The following ZNF319 variants were observed in gnomAD, a reference collection of about 807,000 sequenced individuals.
The protein encoded by ZNF319 is zinc finger protein 319.
ZNF319 carries 15 observed loss-of-function variants against 46.0 expected under a neutral mutation model. That is an observed-to-expected ratio of 0.33 (90% CI 0.22 to 0.50). The LOEUF (loss-of-function observed/expected upper bound fraction) is 0.50, where lower values mean the gene tolerates loss of function less well. Among genes scored for constraint, ZNF319 ranks in the 20% least tolerant of loss-of-function variants. The pLI, the probability that ZNF319 is intolerant of heterozygous loss-of-function variation, is 0.98. For synonymous variants in ZNF319, 368 were observed against 364.0 expected (o/e 1.01, Z -0.13); for missense variants, 635 against 807.0 (o/e 0.79, Z 2.58).
At position 57,998,178 on chromosome 16, in the gene ZNF319, C is replaced by A; in HGVS notation, c.88G>T (p.Ala30Ser). ...QPQHHAEPPP[A>S]LAEHTLPPGT... ...GGAGGCAGCGTGTGCTCTGCCAGGG[C>A]TGGCGGTGGCTCTGCATGGTGCTGA... Residue 30 changes from alanine (A) to serine (S), a missense_variant, in exon 2 of 2, where the codon GCC becomes TCC. Transcript: ENST00000299237. 6.4e-7 allele frequency: 1 copy of A among 1,563,800 alleles called. No individual in the cohort carries two copies. Among genetic ancestry groups the A allele is most frequent in the East Asian group, 2.3e-5 (1 of 44,296 alleles).
In ZNF319 at chr16:57,997,257, G is replaced by A; in HGVS notation, c.1009C>T (p.His337Tyr). 1 of 1,611,836 alleles carries A rather than the reference G, an allele frequency of 6.2e-7. No individual in the cohort carries two copies. Among genetic ancestry groups the A allele is most frequent in the Non-Finnish European group, 8.5e-7 (1 of 1,179,886 alleles). ...CACTTGAAGGGCCGCTCGGCGCTGT[G>A]TGTGCGCTCATGCTGCCGCAGGTCC... ...PSDLRQHERT[H>Y]SAERPFKCDL... Residue 337 changes from histidine (H) to tyrosine (Y), a missense_variant, in exon 2 of 2, where the codon CAC becomes TAC. Physicochemically the swap from His to Tyr is moderately conservative, Grantham distance 83. Around this residue, in one of 3 missense-constraint regions of ZNF319, gnomAD observed 138 missense variants for 248.0 expected, o/e 0.56. Transcript: ENST00000299237.
rs747993165 is a variant in ZNF319 at position 57,999,794 on chromosome 16, T to G, written c.-559A>C. The G allele has an allele frequency of 2.0e-5, 3 of 152,356 alleles. No homozygotes were observed. Among genetic ancestry groups the G allele is most frequent in the Non-Finnish European group, 4.4e-5 (3 of 68,186 alleles). The allele number at this position is 152,356 out of a possible 1,614,324, so 9.4% of individuals were successfully genotyped here. ...GGTTGCTTGAGCAAGCAGGTACCACTCTAAGCCTTCTCGGGACAGAGAGGG... is the reference window on the plus strand; with the variant it reads ...GGTTGCTTGAGCAAGCAGGTACCACGCTAAGCCTTCTCGGGACAGAGAGGG... On this transcript the variant is annotated 5_prime_UTR_variant, in exon 1 of 2. Transcript: ENST00000299237.
rs762596739 is a variant in ZNF319, at chr16:57,998,161, C to T, written c.105G>A (p.Thr35=). 1.5e-5 allele frequency: 23 copies of T among 1,572,440 alleles called. No individual in the cohort carries two copies. Among genetic ancestry groups the T allele is most frequent in the South Asian group, 8.2e-5 (7 of 85,154 alleles). The part of the protein sequence containing the change: ...AEPPPALAEH[T]LPPGTAENPL... ...GGTTCTCCGCCGTGCCCGGAGGCAGCGTGTGCTCTGCCAGGGCTGGCGGTG... is the reference window on the plus strand; with the variant it reads ...GGTTCTCCGCCGTGCCCGGAGGCAGTGTGTGCTCTGCCAGGGCTGGCGGTG... The change falls in exon 2 of 2, where the codon ACG becomes ACA. Residue 35 remains threonine, a synonymous_variant. Transcript: ENST00000299237.
chr16:57,996,583 G>C lies in ZNF319; in HGVS notation c.1683C>G (p.Ser561Arg). The C allele has an allele frequency of 6.3e-7, 1 of 1,597,494 alleles. No homozygotes were observed. The highest frequency in any genetic ancestry group is 8.5e-7 in the Non-Finnish European group (1 of 1,176,810). The change falls in exon 2 of 2, where the codon AGC (serine) becomes AGG (arginine). Residue 561 changes from serine (S) to arginine (R), a missense_variant. Coordinates refer to ENST00000299237, the MANE Select transcript of ZNF319 (RefSeq NM_020807.3). ...FLDVALLQEH[S>R]AQHSAAAAAA... is the part of the protein sequence containing the mutation. ...CCGCGGCGGCGGCACTGTGCTGCGCGCTGTGCTCCTGCAACAAGGCCACGT... is the reference window on the plus strand; with the variant it reads ...CCGCGGCGGCGGCACTGTGCTGCGCCCTGTGCTCCTGCAACAAGGCCACGT...
rs1361482077 is a variant in ZNF319, at chr16:57,996,520, G to A, written c.1746C>T (p.Pro582=). ...GGTAGGGGCCACAGCCGCAGAGTCA[G>A]GGCAGGCAGGCGGCTACCTGGTAGG... ...EGAYQVAACL[P] The change falls in exon 2 of 2, where the codon CCC becomes CCT. Residue 582 remains proline, a synonymous_variant. Transcript: ENST00000299237. The A allele has an allele frequency of 6.5e-7, 1 of 1,527,210 alleles. No individual in the cohort carries two copies. Among genetic ancestry groups the A allele is most frequent in the East Asian group, 2.4e-5 (1 of 40,938 alleles). 94.6% of individuals were successfully genotyped at this position (1,527,210 alleles called of 1,614,324 possible).
chr16:57,997,999 G>A lies in ZNF319; in HGVS notation c.267C>T (p.Ser89=). Residue 89 remains serine (S), a synonymous_variant, in exon 2 of 2, where the codon TCC becomes TCT. Transcript: ENST00000299237. ...CCAGACACTGGTGCTCATGCGGACT[G>A]GACAGGTGCGCCAGGTCGTGACCAC... ...GVCGHDLAHL[S]SPHEHQCLAG... The A allele has an allele frequency of 6.2e-7, 1 of 1,613,102 alleles. No homozygotes were observed. The highest frequency in any genetic ancestry group is 8.5e-7 in the Non-Finnish European group (1 of 1,180,038).
Position 58,000,078 on chromosome 16 carries a change from C to T in ZNF319, c.-843G>A, listed in dbSNP as rs1963126822. Among the ~76,000 whole-genome samples, 1 of 152,184 alleles carries T rather than the reference C, an allele frequency of 6.6e-6. No individual in the cohort carries two copies. The highest frequency in any genetic ancestry group is 1.5e-5 in the Non-Finnish European group (1 of 68,014). On this transcript the variant is annotated 5_prime_UTR_variant, in exon 1 of 2. Transcript: ENST00000299237. This position sits in a 1 kb window ranked among gnomAD's most constrained non-coding sequence, Gnocchi z 4.5. ...CCGTCTCTTCTTCCTCCCTGAGAAACCGAATGAAAGCCGATCACCTCCCGC... is the reference window on the plus strand; with the variant it reads ...CCGTCTCTTCTTCCTCCCTGAGAAATCGAATGAAAGCCGATCACCTCCCGC...
chr16:57,996,103 C>T lies in ZNF319; in HGVS notation c.*414G>A, dbSNP rs976402610. 3 of 189,008 alleles carry T rather than the reference C, an allele frequency of 1.6e-5. No homozygotes were observed. Among genetic ancestry groups the T allele is most frequent in the East Asian group, 1.4e-4 (1 of 7,288 alleles). The allele number at this position is 189,008 out of a possible 1,614,324, so 11.7% of individuals were successfully genotyped here. On this transcript the variant is annotated 3_prime_UTR_variant, in exon 2 of 2. Coordinates refer to ENST00000299237, the MANE Select transcript of ZNF319 (RefSeq NM_020807.3). ...GGGCCCCAGCCCCACCATGAGCCTC[C>T]GCTTTCCTAACCTATGTGGCTGCTA...
Position 57,998,405 on chromosome 16 carries a change from C to A in ZNF319, c.-140G>T. On this transcript the variant is annotated 5_prime_UTR_variant, in exon 2 of 2. Coordinates refer to ENST00000299237, the MANE Select transcript of ZNF319 (RefSeq NM_020807.3). ...AGGCACAGAAGAGGGGCTGGTCAGA[C>A]AGCCCGAGTCAGTAACCAAGCGGAC... 1 of 1,373,010 alleles carries A rather than the reference C, an allele frequency of 7.3e-7. No homozygotes were observed. Among genetic ancestry groups the A allele is most frequent in the Non-Finnish European group, 9.8e-7 (1 of 1,022,832 alleles). 85.1% of individuals were successfully genotyped at this position (1,373,010 alleles called of 1,614,324 possible).
At position 57,996,748 on chromosome 16, in the gene ZNF319, C is replaced by T. The variant is rs139782780; in HGVS notation, c.1518G>A (p.Arg506=). 1.2e-5 allele frequency: 20 copies of T among 1,611,206 alleles called. No homozygotes were observed. In the African/African-American group the frequency reaches 2.0e-4, roughly 16 times the overall value. The change falls in exon 2 of 2, where the codon CGG becomes CGA. Residue 506 remains arginine (R), a synonymous_variant. Transcript: ENST00000299237. ...TGTAGGGCTTCTCGCCTGTGTGTAC[C>T]CGCCGGTGCCGCTGCAGGTCTGACG... ...KYASDLQRHR[R]VHTGEKPYKC...
At position 57,998,026 on chromosome 16, in the gene ZNF319, C is replaced by T. The variant is rs781609897; in HGVS notation, c.240G>A (p.Val80=). 2.5e-6 allele frequency: 4 copies of T among 1,611,846 alleles called. No individual in the cohort carries two copies. The highest frequency in any genetic ancestry group is 1.1e-5 in the South Asian group (1 of 91,090). Residue 80 remains valine, a synonymous_variant, in exon 2 of 2, where the codon GTG becomes GTA. Transcript: ENST00000299237. ...AAGEPGPKCG[V]CGHDLAHLSS... ...ACAGGTGCGCCAGGTCGTGACCACA[C>T]ACGCCACATTTGGGGCCTGGCTCTC... is the stretch of plus-strand genomic sequence containing the variant.
intron 1 of ZNF319, among the ~76,000 whole-genome samples, chr16:57,999,134 G>A (rs1279435775): frequency 6.6e-6 from 1 of 152,008 alleles, no homozygotes; most frequent in African/African-American, 2.4e-5. Flanking sequence ...GGCCCTACAG[G>A]AACCAGAGCC....
Position 57,996,494 on chromosome 16 carries a change from T to G in ZNF319, c.*23A>C, listed in dbSNP as rs779595681. ...CCCACGGCGCCGACTCAGGTCAGGC[T>G]GGTAGGGGCCACAGCCGCAGAGTCA... On this transcript the variant is annotated 3_prime_UTR_variant, in exon 2 of 2. Transcript: ENST00000299237. 1 of 1,495,840 alleles carries G rather than the reference T, an allele frequency of 6.7e-7. No homozygotes were observed. Among genetic ancestry groups the G allele is most frequent in the South Asian group, 1.3e-5 (1 of 78,340 alleles). The allele number at this position is 1,495,840 out of a possible 1,614,324, so 92.7% of individuals were successfully genotyped here. A position where few individuals can be genotyped will look rare whatever the true frequency, so the allele number is the denominator to read the frequency against.
Position 57,998,234 on chromosome 16 carries a change from G to A in ZNF319, c.32C>T (p.Thr11Met), listed in dbSNP as rs62637701. MSESWQQPPQ[T>M]QPQQPQPPQP... ...CGGTGGCTGTGGCTGCTGCGGCTGC[G>A]TCTGTGGCGGCTGTTGCCAGCTTTC... Residue 11 changes from threonine to methionine, a missense_variant, in exon 2 of 2, where the codon ACG becomes ATG. Physicochemically the swap from Thr to Met is moderately conservative, Grantham distance 81. This residue lies in a region of ZNF319 where 227 missense variants were observed against 277.5 expected (regional missense o/e 0.82). Transcript: ENST00000299237. 4,772 of 1,528,438 alleles carry A rather than the reference G, an allele frequency of 3.1e-3. 19 individuals carry two copies. The highest frequency in any genetic ancestry group is 4.4e-3 in the Middle Eastern group (25 of 5,646). The allele number at this position is 1,528,438 out of a possible 1,614,324, so 94.7% of individuals were successfully genotyped here.
rs75025609 is a variant in ZNF319 at position 57,996,837 on chromosome 16, G to A, written c.1429C>T (p.Arg477Cys). 1.5e-3 allele frequency: 2,386 copies of A among 1,606,390 alleles called. 76 individuals carry two copies. The East Asian group carries it at 0.042, about 28-fold the overall frequency. Residue 477 changes from arginine (R) to cysteine (C), a missense_variant, in exon 2 of 2, where the codon CGC becomes TGC. This residue lies in a region of ZNF319 where 270 missense variants were observed against 281.4 expected (regional missense o/e 0.96). Coordinates refer to ENST00000299237, the MANE Select transcript of ZNF319 (RefSeq NM_020807.3). ...GGCTTCTCGCGGGCCGGATCGCAGCGGTGCTGCACGAACTCGGAAGAGGAG... is the reference window on the plus strand; with the variant it reads ...GGCTTCTCGCGGGCCGGATCGCAGCAGTGCTGCACGAACTCGGAAGAGGAG... ...FFSSSEFVQHRCDPAREKPLK... is the reference protein window; with the variant it reads ...FFSSSEFVQHCCDPAREKPLK...
In ZNF319 at chr16:57,998,479, TC is replaced by T; in HGVS notation, c.-215del. 1 of 631,228 alleles carries T rather than the reference TC, an allele frequency of 1.6e-6. No individual in the cohort carries two copies. The highest frequency in any genetic ancestry group is 2.6e-6 in the Non-Finnish European group (1 of 391,304). The allele number at this position is 631,228 out of a possible 1,614,324, so 39.1% of individuals were successfully genotyped here. A position where few individuals can be genotyped will look rare whatever the true frequency, so the allele number is the denominator to read the frequency against. ...GACATGGGGGCTCTTCAAGGGAGGG[TC>T]CCAGCAGTGCCGGGGAGACTCTGCC... is the stretch of plus-strand genomic sequence containing the variant. On this transcript the variant is annotated 5_prime_UTR_variant, in exon 2 of 2. The change creates a premature stop within an existing upstream ORF in the 5' untranslated region. Coordinates refer to ENST00000299237, the MANE Select transcript of ZNF319 (RefSeq NM_020807.3).
rs1963010439 is a variant in ZNF319, at chr16:57,996,252, A to G, written c.*265T>C. ...GGGGGGTGCTGATGGCTCTCAAGAA[A>G]GTGAATCTTGTCATGGGAAAGAGGT... is the stretch of plus-strand genomic sequence containing the variant. On this transcript the variant is annotated 3_prime_UTR_variant, in exon 2 of 2. Coordinates refer to ENST00000299237, the MANE Select transcript of ZNF319 (RefSeq NM_020807.3). The G allele has an allele frequency of 1.8e-6, 1 of 547,424 alleles. No homozygotes were observed. The allele number at this position is 547,424 out of a possible 1,614,324, so 33.9% of individuals were successfully genotyped here.
rs762844586 is a variant in ZNF319, at chr16:57,997,672, G to T, written c.594C>A (p.Ala198=). ...APSTVTPAEQ[A]DKPYSCPICQ... Reference sequence around the variant, plus strand: ...AGATGGGGCAGCTGTAGGGCTTGTCGGCCTGTTCAGCAGGGGTGACAGTGG... The same window carrying T: ...AGATGGGGCAGCTGTAGGGCTTGTCTGCCTGTTCAGCAGGGGTGACAGTGG... Residue 198 remains alanine (A), a synonymous_variant, in exon 2 of 2, where the codon GCC becomes GCA. Transcript: ENST00000299237. 1.2e-6 allele frequency: 2 copies of T among 1,613,842 alleles called. No homozygotes were observed. The highest frequency in any genetic ancestry group is 2.7e-5 in the African/African-American group (2 of 74,946).
Position 57,996,562 on chromosome 16 carries a change from G to C in ZNF319, c.1704C>G (p.Ala568=). ...QEHSAQHSAA[A]AAAEGAYQVA... ...CCTGGTAGGCGCCCTCCGCTGCCGCGGCGGCGGCACTGTGCTGCGCGCTGT... is the reference window on the plus strand; with the variant it reads ...CCTGGTAGGCGCCCTCCGCTGCCGCCGCGGCGGCACTGTGCTGCGCGCTGT... Residue 568 remains alanine (A), a synonymous_variant, in exon 2 of 2, where the codon GCC becomes GCG. Coordinates refer to ENST00000299237, the MANE Select transcript of ZNF319 (RefSeq NM_020807.3). 1.3e-6 allele frequency: 2 copies of C among 1,571,434 alleles called. No homozygotes were observed. Among genetic ancestry groups the C allele is most frequent in the Non-Finnish European group, 1.7e-6 (2 of 1,165,380 alleles).
Sources: allele counts gnomAD v4.1 joint callset (sites outside exome capture counted in the v4.1 genomes callset), GRCh38; gene constraint gnomAD v4.1.1; regional missense constraint gnomAD v4.1.1; non-coding constraint Gnocchi (gnomAD v3.1); transcripts MANE v1.5; gene names NCBI Gene and HGNC (gene_info 2026-07-23, HGNC 2026-07-21).